EXT1: variants seen among roughly 807,000 people sequenced by gnomAD.
EXT1 encodes the protein exostosin glycosyltransferase 1.
A neutral mutation model predicts 82.5 loss-of-function variants in EXT1; 20 were observed. That is an observed-to-expected ratio of 0.24 (90% CI 0.17 to 0.35). The LOEUF (loss-of-function observed/expected upper bound fraction) is 0.35. Among genes scored for constraint, EXT1 ranks in the 10% least tolerant of loss-of-function variants. EXT1 has a pLI of 1.00. For missense variants in EXT1, 757 were observed against 936.5 expected (o/e 0.81, Z 2.50); for synonymous variants, 348 against 350.8 (o/e 0.99, Z 0.09).
intron 1 of EXT1, among the ~76,000 whole-genome samples, chr8:118,043,546 A>G (rs968200398): frequency 2.0e-5 from 3 of 152,180 alleles, no homozygotes; most frequent in Non-Finnish European, 4.4e-5. Flanking sequence ...GCCCTCACTT[A>G]TTTATATGCT....
At chr8:117,921,975 CT>C (rs11327798) in intron 1 of EXT1, among the ~76,000 whole-genome samples, 82,031 of 148,182 alleles carry the variant, frequency 0.55, 23,901 homozygotes, top group Middle Eastern at 0.76. Flanking sequence ...GATTTGTTTT[CT>C]TTTTTTTTTT....
At chr8:117,956,762 A>T (rs1446857906) in intron 1 of EXT1, among the ~76,000 whole-genome samples, 1 of 152,200 alleles carries the variant, frequency 6.6e-6, no homozygotes, top group Admixed American at 6.5e-5. Context: ...ATTATAAATT[A>T]AATGGACATA....
At chr8:117,823,157 G>C (rs1044672671) in intron 4 of EXT1, among the ~76,000 whole-genome samples, 1 of 152,038 alleles carries the variant, frequency 6.6e-6, no homozygotes, top group Non-Finnish European at 1.5e-5. Flanking sequence ...TTTGGGTGCT[G>C]GTTACTGAAG....
rs112372656 is a variant in EXT1 at position 117,960,242 on chromosome 8, A to T, written c.963-123041T>A. 4.2e-3 allele frequency among the ~76,000 whole-genome samples: 640 copies of T among 152,306 alleles called. 4 individuals carry two copies. Among genetic ancestry groups the T allele is most frequent in the African/African-American group, 0.012 (479 of 41,552 alleles). On this transcript the variant is annotated intron_variant, in intron 1 of 10. Coordinates refer to ENST00000378204, the MANE Select transcript of EXT1 (RefSeq NM_000127.3). ...AAATACATAAATAAATAAATTAAAT[A>T]AAATAGATACCCAATAAAATATACA...
intron 6 of EXT1, 60 bp downstream of exon 6, chr8:117,819,616 G>A (rs1811888275): frequency 7.0e-7 from 1 of 1,421,760 alleles, no homozygotes; most frequent in East Asian, 2.3e-5. Flanking sequence ...GGTAAGGAGG[G>A]CGGAGTCTCT....
At chr8:118,101,613 C>A (rs181053387) in intron 1 of EXT1, among the ~76,000 whole-genome samples, 1 of 152,216 alleles carries the variant, frequency 6.6e-6, no homozygotes, top group African/African-American at 2.4e-5. Context: ...ATGCACAGTG[C>A]TTGGAGTGAA....
intron 1 of EXT1, among the ~76,000 whole-genome samples, chr8:117,933,278 G>C (rs1814097152): frequency 7.3e-6 from 1 of 137,198 alleles, no homozygotes; most frequent in South Asian, 2.3e-4. Flanking sequence ...ATGGAGTCTT[G>C]CTCTGTCGCC....
chr8:118,053,405 C>T (rs371090804), intron 1 of EXT1, among the ~76,000 whole-genome samples: 156 of 152,232 alleles, frequency 1.0e-3, no homozygotes, highest in African/African-American at 3.4e-3. Context: ...TTCAAAAAGA[C>T]TTCACTTTTA....
At chr8:117,933,657 C>G (rs193302270) in intron 1 of EXT1, among the ~76,000 whole-genome samples, 2 of 152,146 alleles carry the variant, frequency 1.3e-5, no homozygotes, top group Admixed American at 6.5e-5. Flanking sequence ...GTCTCACTTA[C>G]TGCTGCGTCC....
At chr8:117,837,258 T>C (rs1812203064) in intron 1 of EXT1, 57 bp from the exon 2 acceptor site, 1 of 1,435,016 alleles carries the variant, frequency 7.0e-7, no homozygotes, top group South Asian at 1.1e-5. Context: ...TGTGGGGATA[T>C]TGACCATAGG....
At chr8:117,892,041 G>A (rs1255257730) in intron 1 of EXT1, among the ~76,000 whole-genome samples, 2 of 151,920 alleles carry the variant, frequency 1.3e-5, no homozygotes, top group Admixed American at 6.6e-5. Flanking sequence ...TCCTGACCTC[G>A]TGATCCACCC....
At chr8:117,967,527 C>CATG (rs1814848187) in intron 1 of EXT1, among the ~76,000 whole-genome samples, 1 of 12,726 alleles carries the variant, frequency 7.9e-5, no homozygotes. Flanking sequence ...TAAATGGAAA[C>CATG]ATAAAATATG....
intron 1 of EXT1, among the ~76,000 whole-genome samples, chr8:117,936,664 C>A (rs1361413701): frequency 1.3e-5 from 2 of 152,162 alleles, no homozygotes; most frequent in Non-Finnish European, 2.9e-5. Flanking sequence ...CACCTGAGGG[C>A]AGGATTTTGA....
Position 117,838,591 on chromosome 8 carries a change from A to G in EXT1, c.963-1390T>C, listed in dbSNP as rs1424344193. Among the ~76,000 whole-genome samples the G allele has an allele frequency of 4.6e-5, 7 of 152,200 alleles. No individual in the cohort carries two copies. In the East Asian group the frequency reaches 1.3e-3, roughly 29 times the overall value. On this transcript the variant is annotated intron_variant, in intron 1 of 10. Transcript: ENST00000378204. ...TGCTGCATTAATTAAATTGCAAAATAGACTTCAAAGTAAAAAAGATTTTTA... is the reference window on the plus strand; with the variant it reads ...TGCTGCATTAATTAAATTGCAAAATGGACTTCAAAGTAAAAAAGATTTTTA...
chr8:117,935,942 C>T lies in EXT1; in HGVS notation c.963-98741G>A, dbSNP rs538343182. 1.7e-4 allele frequency among the ~76,000 whole-genome samples: 26 copies of T among 152,152 alleles called. No homozygotes were observed. The South Asian group carries it at 4.4e-3, about 25-fold the overall frequency. ...GTCCTGGTTTACAAAGAAGGAACAC[C>T]AGGCAGAGGAGAACGAATGAAGTCG... On this transcript the variant is annotated intron_variant, in intron 1 of 10. Transcript: ENST00000378204.
chr8:117,945,647 G>A (rs773393525), intron 1 of EXT1, among the ~76,000 whole-genome samples: 1 of 151,744 alleles, frequency 6.6e-6, no homozygotes, highest in Admixed American at 6.6e-5. Flanking sequence ...GATTATAGGC[G>A]CCCACCACCA....
chr8:118,111,532 C>T lies in EXT1; in HGVS notation c.-486G>A. ...GAGCACTCCGGTTCCAACAAGTCAG[C>T]CGATCCCGGGTTCAGCCGGCTAGTG... On this transcript the variant is annotated 5_prime_UTR_variant, in exon 1 of 11. Transcript: ENST00000378204. The T allele has an allele frequency of 2.2e-6, 1 of 447,120 alleles. No individual in the cohort carries two copies. 27.7% of individuals were successfully genotyped at this position (447,120 alleles called of 1,614,324 possible).
chr8:118,026,782 A>G (rs1450267312), intron 1 of EXT1, among the ~76,000 whole-genome samples: 1 of 152,206 alleles, frequency 6.6e-6, no homozygotes, highest in East Asian at 1.9e-4. Context: ...GGCCATGTCC[A>G]GCTCCTTCAA....
chr8:117,918,007 T>C (rs1381471946), intron 1 of EXT1, among the ~76,000 whole-genome samples: 1 of 152,216 alleles, frequency 6.6e-6, no homozygotes, highest in South Asian at 2.1e-4. Flanking sequence ...TGAACACTAA[T>C]GTGGGGAGTC....
Sources: gnomAD v4.1 joint callset for allele counts (sites outside exome capture counted in the v4.1 genomes callset) on GRCh38, gnomAD v4.1.1 for gene constraint, MANE v1.5 for transcripts, NCBI Gene and HGNC (gene_info 2026-07-23, HGNC 2026-07-21) for gene names.